The following LRP1B variants were observed in gnomAD, a reference collection of about 807,000 sequenced individuals.
LRP1B encodes the protein LDL receptor related protein 1B.
A neutral mutation model predicts 556.6 loss-of-function variants in LRP1B; 217 were observed. The ratio of observed to expected loss-of-function variants is 0.39; its 90% CI spans 0.35 to 0.44. The LOEUF is 0.44. Among genes scored for constraint, LRP1B ranks in the 20% least tolerant of loss-of-function variants. The probability of loss-of-function intolerance (pLI) is 1.00; values close to 1 mark genes in which losing one functional copy is unlikely to be tolerated. For synonymous variants in LRP1B, 2,047 were observed against 1,865.8 expected, an observed-to-expected ratio of 1.10 and a Z score of -2.50; for missense variants, 5,053 against 5,620.8, an observed-to-expected ratio of 0.90 and a Z score of 3.23.
At chr2:141,877,159 T>G (rs1558934668) in intron 1 of LRP1B, among the ~76,000 whole-genome samples, 1 of 152,022 alleles carries the variant, frequency 6.6e-6, no homozygotes, top group Non-Finnish European at 1.5e-5. Context: ...TAAATTGATG[T>G]GAAGTTGTAT....
At chr2:141,753,262 C>CTATATATATATATATA (rs70994451) in intron 2 of LRP1B, among the ~76,000 whole-genome samples, 1 of 36,170 alleles carries the variant, frequency 2.8e-5, no homozygotes, top group Non-Finnish European at 6.5e-5. Context: ...CTCTCTCTCT[C>CTATATATATATATATA]CATATATATA....
chr2:141,784,885 A>T (rs1039135022), intron 2 of LRP1B, among the ~76,000 whole-genome samples: 1 of 151,910 alleles, frequency 6.6e-6, no homozygotes, highest in Non-Finnish European at 1.5e-5. Flanking sequence ...ACTGTGTACT[A>T]CCTTTGGTTT....
intron 2 of LRP1B, among the ~76,000 whole-genome samples, chr2:141,484,297 G>T (rs551812276): frequency 2.0e-5 from 3 of 148,960 alleles, no homozygotes; most frequent in African/African-American, 2.5e-5. Flanking sequence ...ATTTCTGAGG[G>T]CTCTGTTCTG....
chr2:141,783,342 TA>T lies in LRP1B; in HGVS notation c.205+26936del, dbSNP rs765917727. 4.7e-4 allele frequency among the ~76,000 whole-genome samples: 71 copies of T among 152,008 alleles called. 1 individual carries two copies. The highest frequency in any genetic ancestry group is 8.4e-4 in the Non-Finnish European group (57 of 67,940). The stretch of plus-strand genomic sequence containing the variant: ...ATGGGCTTGCTGGGTAGAACCAAGG[TA>T]AAAAGAAGAAATAATTCAATAGTAA... On this transcript the variant is annotated intron_variant, in intron 2 of 90. Coordinates refer to ENST00000389484, the MANE Select transcript of LRP1B (RefSeq NM_018557.3).
intron 41 of LRP1B, among the ~76,000 whole-genome samples, chr2:140,697,173 A>G (rs1686459562): frequency 6.6e-6 from 1 of 152,132 alleles, no homozygotes; most frequent in African/African-American, 2.4e-5. Context: ...CATGGATTCT[A>G]CTGGCTTTGA....
At chr2:140,460,461 A>C (rs1687271667) in intron 60 of LRP1B, among the ~76,000 whole-genome samples, 1 of 152,180 alleles carries the variant, frequency 6.6e-6, no homozygotes, top group African/African-American at 2.4e-5. Flanking sequence ...GATGTCGTTA[A>C]ATTTAGGGGA....
intron 2 of LRP1B, among the ~76,000 whole-genome samples, chr2:141,666,538 A>G (rs189308129): frequency 1.1e-4 from 17 of 152,240 alleles, no homozygotes; most frequent in African/African-American, 4.1e-4. Flanking sequence ...TCTTCTTTTA[A>G]TCTACCAATA....
intron 41 of LRP1B, among the ~76,000 whole-genome samples, chr2:140,614,520 A>G (rs1214262660): frequency 6.6e-6 from 1 of 152,164 alleles, no homozygotes; most frequent in Non-Finnish European, 1.5e-5. Context: ...TTGAATATCT[A>G]TTCTAAACAA....
At chr2:141,124,198 A>C (rs1701139138) in intron 7 of LRP1B, among the ~76,000 whole-genome samples, 1 of 152,136 alleles carries the variant, frequency 6.6e-6, no homozygotes, top group South Asian at 2.1e-4. Context: ...ATAGTGAAAT[A>C]AAGTAGGTGA....
intron 1 of LRP1B, among the ~76,000 whole-genome samples, chr2:142,106,642 C>T (rs1706756181): frequency 6.6e-6 from 1 of 152,116 alleles, no homozygotes; most frequent in African/African-American, 2.4e-5. Flanking sequence ...TTGCCCACTG[C>T]AAACATCCTC....
chr2:140,539,088 C>A (rs771704385), intron 45 of LRP1B, among the ~76,000 whole-genome samples: 3 of 152,078 alleles, frequency 2.0e-5, no homozygotes, highest in Non-Finnish European at 2.9e-5. Context: ...GTATCTATTT[C>A]TTTTATGGAT....
chr2:141,152,285 A>T (rs1048531865), intron 7 of LRP1B, among the ~76,000 whole-genome samples: 3 of 152,044 alleles, frequency 2.0e-5, no homozygotes, highest in Non-Finnish European at 4.4e-5. Context: ...TTTGTAAAAC[A>T]CTTTGCACAG....
At chr2:140,596,843 G>T (rs1682461770) in intron 43 of LRP1B, among the ~76,000 whole-genome samples, 2 of 152,062 alleles carry the variant, frequency 1.3e-5, no homozygotes, top group Admixed American at 6.6e-5. Context: ...TCATAATAAT[G>T]CCTTCCACGG....
chr2:140,862,587 C>T (rs1267346962), intron 27 of LRP1B, among the ~76,000 whole-genome samples: 2 of 152,188 alleles, frequency 1.3e-5, no homozygotes, highest in African/African-American at 2.4e-5. Flanking sequence ...ATGATTTCAA[C>T]TCTAAGTATA....
rs376072557 is a variant in LRP1B, at chr2:141,961,349, G to C, written c.83-150948C>G. ...CACTTTGCCCCTCATTTTGATTGTT[G>C]GGAGAGAGGAGACAAGATAAAAGGT... On this transcript the variant is annotated intron_variant, in intron 1 of 90. Transcript: ENST00000389484. 2.1e-4 allele frequency among the ~76,000 whole-genome samples: 32 copies of C among 151,722 alleles called. No homozygotes were observed. In the East Asian group the frequency reaches 4.5e-3, roughly 21 times the overall value.
intron 3 of LRP1B, among the ~76,000 whole-genome samples, chr2:141,424,763 A>G (rs1479222433): frequency 6.6e-6 from 1 of 152,182 alleles, no homozygotes; most frequent in Non-Finnish European, 1.5e-5. Flanking sequence ...CAGATGTATC[A>G]GAAACATATT....
intron 12 of LRP1B, among the ~76,000 whole-genome samples, chr2:141,017,356 T>C (rs796839072): frequency 6.8e-4 from 103 of 151,060 alleles, no homozygotes; most frequent in African/African-American, 2.4e-3. Flanking sequence ...TTTGTTCATT[T>C]ATAACATTAA....
intron 41 of LRP1B, among the ~76,000 whole-genome samples, chr2:140,621,036 G>A (rs1683430722): frequency 6.6e-6 from 1 of 151,948 alleles, no homozygotes; most frequent in African/African-American, 2.4e-5. Flanking sequence ...AAATTAAAGT[G>A]CATATATGAG....
intron 43 of LRP1B, among the ~76,000 whole-genome samples, chr2:140,597,898 G>A (rs1682506892): frequency 6.6e-6 from 1 of 152,118 alleles, no homozygotes; most frequent in Admixed American, 6.5e-5. Flanking sequence ...GTGCAGTGGA[G>A]GCATGAGGAG....
Sources: allele counts gnomAD v4.1 joint callset (sites outside exome capture counted in the v4.1 genomes callset), GRCh38; gene constraint gnomAD v4.1.1; transcripts MANE v1.5; gene names NCBI Gene and HGNC (gene_info 2026-07-23, HGNC 2026-07-21).